RAB10: variants seen among roughly 807,000 people sequenced by gnomAD.
RAB10 encodes the protein ras-related protein Rab-10.
Under a neutral mutation model 25.7 loss-of-function variants are expected in RAB10, and 5 were observed. The ratio of observed to expected loss-of-function variants is 0.19; its 90% CI spans 0.10 to 0.41. The LOEUF (loss-of-function observed/expected upper bound fraction) is 0.41. RAB10 is among the 10% of genes least tolerant of loss of function. The pLI is 1.00. For missense variants in RAB10, 103 were observed against 245.8 expected (o/e 0.42, Z 3.89); for synonymous variants, 89 against 86.4 (o/e 1.03, Z -0.16).
chr2:26,050,443 TA>T (rs1666106310), intron 1 of RAB10, among the ~76,000 whole-genome samples: 1 of 152,202 alleles, frequency 6.6e-6, no homozygotes, highest in African/African-American at 2.4e-5. Flanking sequence ...AAAAATTTCA[TA>T]ATTACGTACC....
At chr2:26,041,758 G>T (rs1327320143) in intron 1 of RAB10, among the ~76,000 whole-genome samples, 1 of 151,750 alleles carries the variant, frequency 6.6e-6, no homozygotes, top group East Asian at 1.9e-4. Flanking sequence ...TACAAAATTA[G>T]CTGGGCGTGG....
chr2:26,060,437 C>T (rs1331228094), intron 1 of RAB10, among the ~76,000 whole-genome samples: 3 of 152,098 alleles, frequency 2.0e-5, no homozygotes, highest in Non-Finnish European at 2.9e-5. Flanking sequence ...GGACTACAGG[C>T]GCTCACCACC....
chr2:26,093,227 C>G (rs1354089662), intron 1 of RAB10, among the ~76,000 whole-genome samples: 2 of 152,116 alleles, frequency 1.3e-5, no homozygotes, highest in Non-Finnish European at 2.9e-5. Flanking sequence ...GACCTCTTTG[C>G]AGAAGTTTAT....
intron 2 of RAB10, 57 bp from the exon 3 acceptor site, chr2:26,109,711 A>G (rs1667533987): frequency 6.9e-7 from 1 of 1,442,044 alleles, no homozygotes; most frequent in Non-Finnish European, 9.2e-7. Context: ...TTTGTCCTTT[A>G]TGTGAAATGT....
intron 1 of RAB10, among the ~76,000 whole-genome samples, chr2:26,068,013 T>C (rs754256042): frequency 1.3e-5 from 2 of 152,130 alleles, no homozygotes; most frequent in Non-Finnish European, 2.9e-5. Context: ...GTTCTCTAGT[T>C]AGTAAAATGA....
chr2:26,044,850 G>C (rs1441793367), intron 1 of RAB10, among the ~76,000 whole-genome samples: 1 of 151,950 alleles, frequency 6.6e-6, no homozygotes, highest in Non-Finnish European at 1.5e-5. Flanking sequence ...CCCGCCAGGA[G>C]TTTTTATTAG....
intron 3 of RAB10, among the ~76,000 whole-genome samples, chr2:26,124,142 A>G (rs1266856700): frequency 6.6e-6 from 1 of 152,186 alleles, no homozygotes; most frequent in Non-Finnish European, 1.5e-5. Flanking sequence ...TATATAAAAT[A>G]TGTTAATCGA....
At chr2:26,053,023 C>T (rs1002855466) in intron 1 of RAB10, among the ~76,000 whole-genome samples, 5 of 152,156 alleles carry the variant, frequency 3.3e-5, no homozygotes, top group Admixed American at 1.3e-4. Context: ...GTTGCAATGT[C>T]TATTCATTGA....
chr2:26,054,091 A>G (rs1666196454), intron 1 of RAB10, among the ~76,000 whole-genome samples: 2 of 130,142 alleles, frequency 1.5e-5, no homozygotes, highest in Non-Finnish European at 3.1e-5. Context: ...TCTGTCGCCC[A>G]GGGTGGAGTG....
intron 1 of RAB10, among the ~76,000 whole-genome samples, chr2:26,091,785 C>T (rs879705145): frequency 6.6e-6 from 1 of 152,084 alleles, no homozygotes; most frequent in Admixed American, 6.6e-5. Flanking sequence ...GAGGAGAAAC[C>T]AGCAATGAAG....
At chr2:26,083,953 G>A (rs1308535042) in intron 1 of RAB10, among the ~76,000 whole-genome samples, 1 of 152,156 alleles carries the variant, frequency 6.6e-6, no homozygotes, top group Non-Finnish European at 1.5e-5. Context: ...CTTAGACATG[G>A]AAAACTACAA....
At chr2:26,080,092 G>A (rs1197717988) in intron 1 of RAB10, among the ~76,000 whole-genome samples, 2 of 152,226 alleles carry the variant, frequency 1.3e-5, no homozygotes, top group Non-Finnish European at 2.9e-5. Context: ...CTCAGAAAAG[G>A]ATGGGACATG....
intron 1 of RAB10, among the ~76,000 whole-genome samples, chr2:26,094,117 G>A: frequency 6.6e-6 from 1 of 151,800 alleles, no homozygotes; most frequent in Admixed American, 6.6e-5. Context: ...TTAAACTCCT[G>A]GACTCAAGCA....
At chr2:26,047,456 C>T (rs1666037246) in intron 1 of RAB10, among the ~76,000 whole-genome samples, 1 of 151,136 alleles carries the variant, frequency 6.6e-6, no homozygotes, top group Non-Finnish European at 1.5e-5. Context: ...TGTTCTGTCG[C>T]CTAGGCTGGA....
At chr2:26,072,332 C>T (rs1307168880) in intron 1 of RAB10, among the ~76,000 whole-genome samples, 2 of 152,128 alleles carry the variant, frequency 1.3e-5, no homozygotes, top group Admixed American at 1.3e-4. Flanking sequence ...AGGAAAATCA[C>T]TTGAACACGG....
intron 1 of RAB10, among the ~76,000 whole-genome samples, chr2:26,040,764 G>A (rs1023840856): frequency 6.6e-6 from 1 of 152,066 alleles, no homozygotes; most frequent in African/African-American, 2.4e-5. Flanking sequence ...ATTATTTCAG[G>A]TGCAGTCATT....
chr2:26,036,495 C>G (rs1022835623), intron 1 of RAB10, among the ~76,000 whole-genome samples: 6 of 151,954 alleles, frequency 3.9e-5, no homozygotes, highest in African/African-American at 1.5e-4. Flanking sequence ...CCCGTTTTTA[C>G]TAAAAATACA....
intron 1 of RAB10, among the ~76,000 whole-genome samples, chr2:26,042,122 C>CAT: frequency 6.6e-6 from 1 of 152,254 alleles, no homozygotes; most frequent in South Asian, 2.1e-4. Context: ...ACTGGATGTG[C>CAT]TACCTTTTGG....
rs1303563338 is a variant in RAB10 at position 26,034,212 on chromosome 2, C to T, written c.-397C>T. 3 of 429,316 alleles carry T rather than the reference C, an allele frequency of 7.0e-6. No individual in the cohort carries two copies. Among genetic ancestry groups the T allele is most frequent in the Non-Finnish European group, 4.1e-6 (1 of 242,772 alleles). The allele number at this position is 429,316 out of a possible 1,614,324, so 26.6% of individuals were successfully genotyped here. A position where few individuals can be genotyped will look rare whatever the true frequency, so the allele number is the denominator to read the frequency against. On this transcript the variant is annotated 5_prime_UTR_variant, in exon 1 of 6. Transcript: ENST00000264710. ...AGGGGTCCTTCTTCGCTGCCCTCGC[C>T]GCGTGCTAGCAGGGAGTTTCCGCTC... is the stretch of plus-strand genomic sequence containing the variant.
Sources: allele counts gnomAD v4.1 joint callset (sites outside exome capture counted in the v4.1 genomes callset), GRCh38; gene constraint gnomAD v4.1.1; transcripts MANE v1.5; gene names NCBI Gene and HGNC (gene_info 2026-07-23, HGNC 2026-07-21).